The following TEAD4 variants were observed in gnomAD, a reference collection of about 807,000 sequenced individuals.
TEAD4 encodes the protein TEA domain transcription factor 4.
Under a neutral mutation model 52.4 loss-of-function variants are expected in TEAD4, and 36 were observed. The ratio of observed to expected loss-of-function variants is 0.69; its 90% CI spans 0.53 to 0.91. TEAD4 has a LOEUF of 0.91. Among genes scored for constraint, TEAD4 ranks in the 40% least tolerant of loss-of-function variants. The probability of loss-of-function intolerance (pLI) is 0.00; values close to 1 mark genes in which losing one functional copy is unlikely to be tolerated. For missense variants in TEAD4, 508 were observed against 583.9 expected (o/e 0.87, Z 1.34); for synonymous variants, 220 against 231.0 (o/e 0.95, Z 0.43).
intron 2 of TEAD4, among the ~76,000 whole-genome samples, chr12:2,978,059 G>A (rs1374934756): frequency 6.6e-6 from 1 of 152,098 alleles, no homozygotes; most frequent in East Asian, 1.9e-4. Flanking sequence ...CTGTGACCTG[G>A]GGACTCTCCT....
chr12:2,999,048 G>A (rs967197539), intron 3 of TEAD4, among the ~76,000 whole-genome samples: 1 of 152,218 alleles, frequency 6.6e-6, no homozygotes, highest in South Asian at 2.1e-4. Flanking sequence ...AGCAGGCAGT[G>A]CTGACCAGCC....
At chr12:2,989,420 C>T (rs1248522056) in intron 2 of TEAD4, among the ~76,000 whole-genome samples, 8 of 152,028 alleles carry the variant, frequency 5.3e-5, no homozygotes, top group East Asian at 1.9e-4. Context: ...GTTACTGTTA[C>T]GAAGTTTGCT....
At chr12:3,011,203 G>A in intron 4 of TEAD4, 135 bp downstream of exon 4, 8 of 799,610 alleles carry the variant, frequency 1.0e-5, no homozygotes, top group Non-Finnish European at 1.4e-5. Context: ...TATCCCTGTT[G>A]GGCGTGTCAC....
intron 3 of TEAD4, among the ~76,000 whole-genome samples, chr12:3,009,167 C>T (rs1399718805): frequency 6.6e-6 from 1 of 152,238 alleles, no homozygotes; most frequent in African/African-American, 2.4e-5. Context: ...GTGGCTCACG[C>T]CTGTAATCCC....
chr12:3,032,422 CAG>C (rs1291542008), intron 10 of TEAD4, among the ~76,000 whole-genome samples: 2 of 152,156 alleles, frequency 1.3e-5, no homozygotes, highest in East Asian at 1.9e-4. Context: ...AGCCGCTGGA[CAG>C]GGGGCTGTGG....
chr12:3,024,033 A>G lies in TEAD4; in HGVS notation c.897+2016A>G, dbSNP rs137973026. On this transcript the variant is annotated intron_variant, in intron 10 of 12. Transcript: ENST00000359864. ...ATCACTTTTCCCCCTCATCATCCCA[A>G]TGTAATAATATCCAATAAGTTATTT... Among the ~76,000 whole-genome samples the G allele has an allele frequency of 6.6e-5, 10 of 152,156 alleles. No homozygotes were observed. In the East Asian group the frequency reaches 1.9e-3, roughly 29 times the overall value.
intron 2 of TEAD4, among the ~76,000 whole-genome samples, chr12:2,977,940 T>C (rs1195816421): frequency 6.6e-6 from 1 of 152,250 alleles, no homozygotes; most frequent in African/African-American, 2.4e-5. Flanking sequence ...TGTTTGTTTC[T>C]AACTGAGTAC....
chr12:2,992,005 G>C (rs1419377115), intron 2 of TEAD4, among the ~76,000 whole-genome samples: 2 of 144,698 alleles, frequency 1.4e-5, no homozygotes, highest in African/African-American at 5.2e-5. Flanking sequence ...GGTTGGGGGG[G>C]GCGGTTCCTG....
intron 10 of TEAD4, among the ~76,000 whole-genome samples, chr12:3,026,855 G>A (rs895908553): frequency 2.0e-5 from 3 of 152,054 alleles, no homozygotes; most frequent in Non-Finnish European, 1.5e-5. Flanking sequence ...ATTTAATTTC[G>A]GCTCTGACAT....
chr12:2,984,191 C>G lies in TEAD4; in HGVS notation c.-29-10547C>G, dbSNP rs184350827. Among the ~76,000 whole-genome samples the G allele has an allele frequency of 2.6e-5, 4 of 152,104 alleles. No homozygotes were observed. The East Asian group carries it at 7.7e-4, about 29-fold the overall frequency. ...GGTGCCTGTGTGCGGAAGGTATGGC[C>G]GGAGAGCAGGGATCAGCAGATGGAA... On this transcript the variant is annotated intron_variant, in intron 2 of 12. Coordinates refer to ENST00000359864, the MANE Select transcript of TEAD4 (RefSeq NM_003213.4).
rs1565548724 is a variant in TEAD4 at position 3,024,177 on chromosome 12, C to T, written c.897+2160C>T. On this transcript the variant is annotated intron_variant, in intron 10 of 12. Transcript: ENST00000359864. The stretch of plus-strand genomic sequence containing the variant: ...GCAAGCTCCGCCTCCCGGGTTCACG[C>T]CATTCTCCTGCCTCAGCCTCCCGAG... Among the ~76,000 whole-genome samples, 3 of 152,052 alleles carry T rather than the reference C, an allele frequency of 2.0e-5. No individual in the cohort carries two copies. In the South Asian group the frequency reaches 6.2e-4, roughly 32 times the overall value.
At chr12:3,040,286 C>G (rs376422035) in intron 12 of TEAD4, 27 bp downstream of exon 12, 58 of 1,613,922 alleles carry the variant, frequency 3.6e-5, no homozygotes, top group Non-Finnish European at 4.7e-5. Flanking sequence ...GCGGGTGTGG[C>G]TGGAGTCTGT....
At chr12:3,033,943 C>T (rs1044989662) in intron 10 of TEAD4, among the ~76,000 whole-genome samples, 9 of 147,988 alleles carry the variant, frequency 6.1e-5, no homozygotes, top group African/African-American at 1.9e-4. Flanking sequence ...GAGGACGAGT[C>T]GAGGTGCTCT....
At chr12:2,986,449 C>T (rs2098238574) in intron 2 of TEAD4, among the ~76,000 whole-genome samples, 1 of 151,784 alleles carries the variant, frequency 6.6e-6, no homozygotes, top group African/African-American at 2.4e-5. Flanking sequence ...ACCAGCCTGG[C>T]CAACATGGTG....
chr12:3,017,471 C>A lies in TEAD4; in HGVS notation c.428C>A (p.Ala143Asp). Residue 143 changes from alanine (A) to aspartate (D), a missense_variant, in exon 6 of 13, where the codon GCC becomes GAC. Ala to Asp is a moderately radical substitution (Grantham distance 126, BLOSUM62 -2). Transcript: ENST00000359864. ...TCTGCACAGATCATCTCCGCCACGG[C>A]CTTCCACAGTAGCATGGCCCTCGCC... The A allele has an allele frequency of 6.2e-7, 1 of 1,614,214 alleles. No individual in the cohort carries two copies.
intron 2 of TEAD4, among the ~76,000 whole-genome samples, chr12:2,980,344 A>C (rs1286523235): frequency 6.6e-6 from 1 of 152,174 alleles, no homozygotes; most frequent in Non-Finnish European, 1.5e-5. Context: ...TTAGCCTGCC[A>C]ATCCAGGCTA....
At chr12:2,961,503 C>T (rs1339995125) in intron 2 of TEAD4, among the ~76,000 whole-genome samples, 1 of 151,942 alleles carries the variant, frequency 6.6e-6, no homozygotes, top group Non-Finnish European at 1.5e-5. Flanking sequence ...GCCTGGTGTG[C>T]GACTGGTCTA....
intron 2 of TEAD4, among the ~76,000 whole-genome samples, chr12:2,984,587 A>G (rs537173673): frequency 2.0e-5 from 3 of 152,288 alleles, no homozygotes; most frequent in South Asian, 4.1e-4. Context: ...TCCTTGTGCA[A>G]CCATAATAGA....
chr12:3,034,881 G>A (rs1445016042), intron 10 of TEAD4, among the ~76,000 whole-genome samples: 1 of 152,024 alleles, frequency 6.6e-6, no homozygotes, highest in African/African-American at 2.4e-5. Context: ...ATCACTTGAG[G>A]CCAGGAGTTC....
Sources: gnomAD v4.1 joint callset for allele counts (sites outside exome capture counted in the v4.1 genomes callset) on GRCh38, gnomAD v4.1.1 for gene constraint, MANE v1.5 for transcripts, NCBI Gene and HGNC (gene_info 2026-07-23, HGNC 2026-07-21) for gene names.